CD9: variants seen among roughly 807,000 people sequenced by gnomAD.
The protein encoded by CD9 is CD9 antigen.
In CD9, 10 loss-of-function variants were observed where a neutral mutation model predicts 31.4. The ratio of observed to expected loss-of-function variants is 0.32; its 90% confidence interval spans 0.20 to 0.54. The LOEUF is 0.54. Among genes scored for constraint, CD9 ranks in the 20% least tolerant of loss-of-function variants. The probability of loss-of-function intolerance (pLI) is 0.94; values close to 1 mark genes in which losing one functional copy is unlikely to be tolerated. For synonymous variants in CD9, 113 were observed against 114.1 expected (o/e 0.99, Z 0.06); for missense variants, 259 against 300.1 (o/e 0.86, Z 1.01).
intron 4 of CD9, chr12:6,234,501 A>G (rs892945375): frequency 6.6e-6 from 1 of 152,228 alleles, no homozygotes; most frequent in Non-Finnish European, 1.5e-5. Context: ...TCTGTAAGCA[A>G]TAACAGCTAC....
intron 4 of CD9, among the ~76,000 whole-genome samples, chr12:6,234,618 A>G (rs902619206): frequency 6.6e-6 from 1 of 152,272 alleles, no homozygotes; most frequent in Non-Finnish European, 1.5e-5. Context: ...TCAAAGGGGC[A>G]GACAGACATT....
chr12:6,222,893 G>A (rs913081440), intron 1 of CD9, among the ~76,000 whole-genome samples: 1 of 152,150 alleles, frequency 6.6e-6, no homozygotes, highest in African/African-American at 2.4e-5. Flanking sequence ...GATTGTTTTC[G>A]TTCTTTTCTG....
At chr12:6,216,863 G>A (rs973694313) in intron 1 of CD9, among the ~76,000 whole-genome samples, 3 of 152,068 alleles carry the variant, frequency 2.0e-5, no homozygotes, top group African/African-American at 7.3e-5. Flanking sequence ...TTGACCCAGT[G>A]TCACCTCACG....
At chr12:6,223,046 A>G (rs886329141) in intron 1 of CD9, among the ~76,000 whole-genome samples, 2 of 152,200 alleles carry the variant, frequency 1.3e-5, no homozygotes, top group Non-Finnish European at 2.9e-5. Flanking sequence ...CTATCTCCCT[A>G]TGCGCGCAAG....
upstream of CD9, chr12:6,200,225 C>G (rs111404075): frequency 7.0e-6 from 1 of 143,344 alleles, no homozygotes; most frequent in African/African-American, 3.2e-5. Context: ...CCGGGGCTCG[C>G]CGACCTGGGC....
intron 5 of CD9, 40 bp from the exon 6 acceptor site, chr12:6,235,436 A>G: frequency 6.2e-7 from 1 of 1,613,424 alleles, no homozygotes; most frequent in South Asian, 1.1e-5. Context: ...TCTTCTTACA[A>G]TTTGTTTCTC....
intron 1 of CD9, among the ~76,000 whole-genome samples, chr12:6,217,025 T>G (rs1010174075): frequency 1.3e-5 from 2 of 151,920 alleles, no homozygotes; most frequent in East Asian, 1.9e-4. Flanking sequence ...TATCATACTG[T>G]TTTTTTTCCA....
chr12:6,210,042 T>G (rs993004179), intron 1 of CD9, among the ~76,000 whole-genome samples: 2 of 152,236 alleles, frequency 1.3e-5, no homozygotes, highest in African/African-American at 4.8e-5. Context: ...AGGGACACTT[T>G]GGCCTTCTTT....
chr12:6,200,395 C>T (rs934464170), upstream of CD9: 6 of 747,614 alleles, frequency 8.0e-6, no homozygotes, highest in South Asian at 1.5e-5. Flanking sequence ...CGGAGACCAG[C>T]CTACAGCCGC....
At chr12:6,214,185 A>G (rs1414764866) in intron 1 of CD9, among the ~76,000 whole-genome samples, 3 of 152,070 alleles carry the variant, frequency 2.0e-5, no homozygotes, top group Admixed American at 6.6e-5. Context: ...CATCCATAAA[A>G]TGAGGGTGAT....
intron 1 of CD9, among the ~76,000 whole-genome samples, chr12:6,214,769 G>A (rs964576601): frequency 3.9e-5 from 6 of 152,144 alleles, no homozygotes; most frequent in African/African-American, 9.7e-5. Flanking sequence ...AATTCAGGGG[G>A]GAGGTTCTTA....
chr12:6,224,593 G>C (rs767279195), intron 1 of CD9, among the ~76,000 whole-genome samples: 10 of 152,210 alleles, frequency 6.6e-5, no homozygotes, highest in Non-Finnish European at 1.3e-4. Flanking sequence ...GAGTGCCTCT[G>C]TTGAGGAGGG....
rs941275066 is a variant in CD9, at chr12:6,225,489, A to G, written c.130A>G (p.Ile44Val). ...CCGATTCGACTCTCAGACCAAGAGC[A>G]TCTTCGAGCAAGAAACTAATAATAA... ...WLRFDSQTKS[I>V]FEQETNNNNS... The change falls in exon 2 of 8, where the codon ATC becomes GTC. Residue 44 changes from isoleucine (I) to valine (V), a missense_variant. By Grantham distance (29) the Ile-to-Val change is conservative. Transcript: ENST00000009180. 1 of 1,613,744 alleles carries G rather than the reference A, an allele frequency of 6.2e-7. No homozygotes were observed. The highest frequency in any genetic ancestry group is 8.5e-7 in the Non-Finnish European group (1 of 1,179,626).
intron 1 of CD9, 76 bp downstream of exon 1, chr12:6,200,641 G>C: frequency 9.9e-7 from 1 of 1,008,340 alleles, no homozygotes; most frequent in Non-Finnish European, 1.5e-6. Context: ...CCGCGGCCGC[G>C]AGTGCCGGCA....
At chr12:6,205,219 G>A (rs925584439) in intron 1 of CD9, among the ~76,000 whole-genome samples, 2 of 152,216 alleles carry the variant, frequency 1.3e-5, no homozygotes, top group Non-Finnish European at 2.9e-5. Flanking sequence ...GGTGAGCTGA[G>A]GCCAGGTATC....
At chr12:6,227,427 A>G (rs907347529) in intron 2 of CD9, among the ~76,000 whole-genome samples, 1 of 151,960 alleles carries the variant, frequency 6.6e-6, no homozygotes, top group African/African-American at 2.4e-5. Context: ...CCAACTCCCG[A>G]CCTCAGGTGA....
Position 6,209,554 on chromosome 12 carries a change from T to C in CD9, c.66+8989T>C. Among the ~76,000 whole-genome samples the C allele has an allele frequency of 1.3e-5, 2 of 152,234 alleles. 1 individual carries two copies. The highest frequency in any genetic ancestry group is 3.8e-4 in the East Asian group (2 of 5,202). ...TAAATTTATTATTGCTAAGCTCAGA[T>C]GTTTTAAAGCTTCCTGTCTACAAGC... On this transcript the variant is annotated intron_variant, in intron 1 of 7. Coordinates refer to ENST00000009180, the MANE Select transcript of CD9 (RefSeq NM_001769.4).
At chr12:6,226,704 C>T (rs766981055) in intron 2 of CD9, among the ~76,000 whole-genome samples, 8 of 151,966 alleles carry the variant, frequency 5.3e-5, no homozygotes, top group African/African-American at 1.5e-4. Context: ...TCTCTATTAT[C>T]GGAAAGAAAG....
At chr12:6,211,815 G>A (rs1332785852) in intron 1 of CD9, among the ~76,000 whole-genome samples, 1 of 152,222 alleles carries the variant, frequency 6.6e-6, no homozygotes, top group East Asian at 1.9e-4. Context: ...TGGCAAGCAG[G>A]CAGTGGAAAC....
Sources: allele counts gnomAD v4.1 joint callset (sites outside exome capture counted in the v4.1 genomes callset), GRCh38; gene constraint gnomAD v4.1.1; transcripts MANE v1.5; gene names NCBI Gene and HGNC (gene_info 2026-07-23, HGNC 2026-07-21).